Variants in CTSF observed in about 807,000 individuals in gnomAD.
The protein encoded by CTSF is cathepsin F.
CTSF carries 65 observed loss-of-function variants against 63.5 expected under a neutral mutation model. The ratio of observed to expected loss-of-function variants is 1.02; its 90% CI spans 0.84 to 1.26. CTSF has a LOEUF of 1.26. Among genes scored for constraint, CTSF ranks in the 50% most tolerant of loss-of-function variants. CTSF has a pLI of 0.00. For missense variants in CTSF, 641 were observed against 631.0 expected, an observed-to-expected ratio of 1.02 and a Z score of -0.17; for synonymous variants, 256 against 258.1, an observed-to-expected ratio of 0.99 and a Z score of 0.08.
chr11:66,564,549 G>A lies in CTSF; in HGVS notation c.1321+9C>T, dbSNP rs368422217. On this transcript the variant is annotated intron_variant, in intron 11 of 12. Transcript: ENST00000310325. Reference sequence around the variant, plus strand: ...CCTGGCTGGATGCAGGACAGGCAGCGGAACTCACGGTTGCCGTAGCCCACA... The same window carrying A: ...CCTGGCTGGATGCAGGACAGGCAGCAGAACTCACGGTTGCCGTAGCCCACA... The A allele has an allele frequency of 2.2e-5, 34 of 1,544,056 alleles. No individual in the cohort carries two copies. Among genetic ancestry groups the A allele is most frequent in the African/African-American group, 8.2e-5 (6 of 73,150 alleles).
intron 2 of CTSF, 138 bp from the exon 3 acceptor site, chr11:66,567,800 A>G: frequency 7.2e-7 from 1 of 1,385,662 alleles, no homozygotes; most frequent in Middle Eastern, 1.9e-4. Flanking sequence ...ACAGTGAGGC[A>G]CGGCCTGCAC....
intron 2 of CTSF, 110 bp downstream of exon 2, chr11:66,567,874 G>C: frequency 1.4e-6 from 2 of 1,441,034 alleles, no homozygotes; most frequent in South Asian, 1.4e-5. Context: ...AGTGGCTCAA[G>C]GTGGGGCAGC....
In CTSF at chr11:66,568,587, G is replaced by A. The variant is rs1334931173; in HGVS notation, c.-101C>T. Reference sequence around the variant, plus strand: ...GGGCCTGAGTCCTCCCTCCAGCGGGGCGACGGCACGCCGACCAATGGGCGC... The same window carrying A: ...GGGCCTGAGTCCTCCCTCCAGCGGGACGACGGCACGCCGACCAATGGGCGC... On this transcript the variant is annotated 5_prime_UTR_variant, in exon 1 of 13. Coordinates refer to ENST00000310325, the MANE Select transcript of CTSF (RefSeq NM_003793.4). 2.3e-6 allele frequency: 3 copies of A among 1,333,228 alleles called. No individual in the cohort carries two copies. Among genetic ancestry groups the A allele is most frequent in the East Asian group, 6.2e-5 (2 of 32,236 alleles). 82.6% of individuals were successfully genotyped at this position (1,333,228 alleles called of 1,614,324 possible).
At position 66,568,301 on chromosome 11, in the gene CTSF, C is replaced by T. The variant is rs1243028278; in HGVS notation, c.186G>A (p.Leu62=). 6.6e-6 allele frequency: 9 copies of T among 1,365,880 alleles called. No individual in the cohort carries two copies. The highest frequency in any genetic ancestry group is 2.7e-4 in the Middle Eastern group (1 of 3,672). 84.6% of individuals were successfully genotyped at this position (1,365,880 alleles called of 1,614,324 possible). Residue 62 remains leucine, a synonymous_variant, in exon 1 of 13, where the codon CTG becomes CTA. Coordinates refer to ENST00000310325, the MANE Select transcript of CTSF (RefSeq NM_003793.4). The stretch of plus-strand genomic sequence containing the variant: ...GGCGGACGCGGCCGCGCACAAGGCC[C>T]AGCACGGCCCGCGTCCCCGCAGCCC... ...RGRAAGTRAV[L]GLVRGRVRRA... is the part of the protein sequence containing the mutation.
intron 7 of CTSF, 35 bp downstream of exon 7, chr11:66,565,796 A>G: frequency 6.2e-7 from 1 of 1,613,936 alleles, no homozygotes; most frequent in South Asian, 1.1e-5. Context: ...CTGAGGGGCT[A>G]GGCTGGGGAC....
Position 66,568,004 on chromosome 11 carries a change from G to T in CTSF, c.292C>A (p.Pro98Thr). ...CTCACCAGGGTTTTCTTGGACACGG[G>T]GAGCCGGCACACCATGGGGTCGTTG... ...PCNDPMVCRLPVSKKTLLCSF... is the reference protein window; with the variant it reads ...PCNDPMVCRLTVSKKTLLCSF... Residue 98 changes from proline to threonine, a missense_variant, in exon 2 of 13, where the codon CCC becomes ACC. Pro to Thr is a conservative substitution (Grantham distance 38, BLOSUM62 -1). Coordinates refer to ENST00000310325, the MANE Select transcript of CTSF (RefSeq NM_003793.4). 6.3e-7 allele frequency: 1 copy of T among 1,596,118 alleles called. No individual in the cohort carries two copies. Among genetic ancestry groups the T allele is most frequent in the Non-Finnish European group, 8.5e-7 (1 of 1,172,752 alleles).
chr11:66,563,779 G>C lies in CTSF; in HGVS notation c.*154C>G. Reference sequence around the variant, plus strand: ...TGGGAATGGGGTGCAGGGAAGCAGGGGCTGTGCCCCAGCCCAGTGCCCTCT... The same window carrying C: ...TGGGAATGGGGTGCAGGGAAGCAGGCGCTGTGCCCCAGCCCAGTGCCCTCT... On this transcript the variant is annotated 3_prime_UTR_variant, in exon 13 of 13. Transcript: ENST00000310325. 3 of 863,790 alleles carry C rather than the reference G, an allele frequency of 3.5e-6. No individual in the cohort carries two copies. Among genetic ancestry groups the C allele is most frequent in the Non-Finnish European group, 5.3e-6 (3 of 564,196 alleles). 53.5% of individuals were successfully genotyped at this position (863,790 alleles called of 1,614,324 possible).
chr11:66,568,356 C>A lies in CTSF; in HGVS notation c.131G>T (p.Arg44Leu). ...GCGGTTGAACATCTCCAGCGCGAAG[C>A]GGGTGGGCGCCAGCAGCTCCGGGGA... ...PPSPELLAPT[R>L]FALEMFNRGR... is the part of the protein sequence containing the mutation. The change falls in exon 1 of 13, where the codon CGC becomes CTC. Residue 44 changes from arginine to leucine, a missense_variant. Transcript: ENST00000310325. 1 of 1,305,106 alleles carries A rather than the reference C, an allele frequency of 7.7e-7. No homozygotes were observed. The allele number at this position is 1,305,106 out of a possible 1,614,324, so 80.8% of individuals were successfully genotyped here.
Position 66,564,656 on chromosome 11 carries a change from T to C in CTSF, c.1231-8A>G. 1.2e-6 allele frequency: 2 copies of C among 1,607,232 alleles called. No individual in the cohort carries two copies. The highest frequency in any genetic ancestry group is 2.2e-5 in the East Asian group (1 of 44,752). ...GATCCCGTGGCGGTAAAACTGGAGG[T>C]GGAGAAGGAGTAGGGGATCGACTCC... On this transcript the variant is annotated splice_region_variant and splice_polypyrimidine_tract_variant and intron_variant, in intron 10 of 12. Coordinates refer to ENST00000310325, the MANE Select transcript of CTSF (RefSeq NM_003793.4).
chr11:66,565,682 A>G lies in CTSF; in HGVS notation c.1034T>C (p.Ile345Thr). 6.2e-7 allele frequency: 1 copy of G among 1,613,490 alleles called. No homozygotes were observed. Among genetic ancestry groups the G allele is most frequent in the Non-Finnish European group, 8.5e-7 (1 of 1,180,034 alleles). ...CCATTAATGCATACCCAAATTCTTT[A>G]TGGCCGAGTAGGCATTGGAGGGCAA... Reference protein sequence around the residue: ...GGLPSNAYSAIKNLGGLETED... With the variant: ...GGLPSNAYSATKNLGGLETED... Residue 345 changes from isoleucine (I) to threonine (T), a missense_variant, in exon 8 of 13, where the codon ATA (isoleucine) becomes ACA (threonine). Ile to Thr is a moderately conservative substitution (Grantham distance 89). Transcript: ENST00000310325.
chr11:66,566,249 G>A, intron 5 of CTSF, 42 bp downstream of exon 5: 2 of 1,613,896 alleles, frequency 1.2e-6, no homozygotes, highest in Non-Finnish European at 1.7e-6. Context: ...GCAAGGTCCT[G>A]TCTCTTCCTG....
rs763109360 is a variant in CTSF, at chr11:66,568,318, C to T, written c.169G>A (p.Gly57Arg). Residue 57 changes from glycine (G) to arginine (R), a missense_variant, in exon 1 of 13, where the codon GGG becomes AGG. Transcript: ENST00000310325. ...LEMFNRGRAA[G>R]TRAVLGLVRG... ...ACAAGGCCCAGCACGGCCCGCGTCC[C>T]CGCAGCCCGGCCGCGGTTGAACATC... 28 of 1,321,000 alleles carry T rather than the reference C, an allele frequency of 2.1e-5. No individual in the cohort carries two copies. In the South Asian group the frequency reaches 6.1e-4, roughly 29 times the overall value. The allele number at this position is 1,321,000 out of a possible 1,614,324, so 81.8% of individuals were successfully genotyped here. A position where few individuals can be genotyped will look rare whatever the true frequency, so the allele number is the denominator to read the frequency against.
intron 11 of CTSF, 80 bp from the exon 12 acceptor site, chr11:66,564,226 AC>A: frequency 6.7e-7 from 1 of 1,493,828 alleles, no homozygotes; most frequent in South Asian, 1.2e-5. Flanking sequence ...CCCTTCAAAT[AC>A]TTGCACTGGG....
At position 66,568,003 on chromosome 11, in the gene CTSF, G is replaced by A. The variant is rs745466714; in HGVS notation, c.293C>T (p.Pro98Leu). 20 of 1,595,268 alleles carry A rather than the reference G, an allele frequency of 1.3e-5. No homozygotes were observed. In the African/African-American group the frequency reaches 1.5e-4, roughly 12 times the overall value. ...PCNDPMVCRL[P>L]VSKKTLLCSF... ...ACTCACCAGGGTTTTCTTGGACACG[G>A]GGAGCCGGCACACCATGGGGTCGTT... is the stretch of plus-strand genomic sequence containing the variant. Residue 98 changes from proline (P) to leucine (L), a missense_variant, in exon 2 of 13, where the codon CCC (proline) becomes CTC (leucine). Pro to Leu is a moderately conservative substitution (Grantham distance 98). Coordinates refer to ENST00000310325, the MANE Select transcript of CTSF (RefSeq NM_003793.4).
rs1242118990 is a variant in CTSF at position 66,563,796 on chromosome 11, G to A, written c.*137C>T. ...GAAGCAGGGGCTGTGCCCCAGCCCA[G>A]TGCCCTCTGCTCACCCTGAGGTACC... is the stretch of plus-strand genomic sequence containing the variant. On this transcript the variant is annotated 3_prime_UTR_variant, in exon 13 of 13. Coordinates refer to ENST00000310325, the MANE Select transcript of CTSF (RefSeq NM_003793.4). The A allele has an allele frequency of 2.6e-5, 28 of 1,059,466 alleles. No homozygotes were observed. The East Asian group carries it at 5.7e-4, about 22-fold the overall frequency. The allele number at this position is 1,059,466 out of a possible 1,614,324, so 65.6% of individuals were successfully genotyped here.
rs183793658 is a variant in CTSF, at chr11:66,567,956, G to A, written c.312+28C>T. ...CTGCTGCTTTACTCGGCCTCGGGGC[G>A]GGGAACCCCAAGAGCCTCATCACTC... On this transcript the variant is annotated intron_variant, in intron 2 of 12. Transcript: ENST00000310325. 4.8e-4 allele frequency: 751 copies of A among 1,568,120 alleles called. 5 individuals carry two copies. In the African/African-American group the frequency reaches 9.4e-3, roughly 20 times the overall value.
At position 66,563,550 on chromosome 11, in the gene CTSF, A is replaced by T; in HGVS notation, c.*383T>A. 1 of 445,550 alleles carries T rather than the reference A, an allele frequency of 2.2e-6. No individual in the cohort carries two copies. The highest frequency in any genetic ancestry group is 4.0e-6 in the Non-Finnish European group (1 of 248,812). The allele number at this position is 445,550 out of a possible 1,614,324, so 27.6% of individuals were successfully genotyped here. A position where few individuals can be genotyped will look rare whatever the true frequency, so the allele number is the denominator to read the frequency against. Reference sequence around the variant, plus strand: ...GGAGAGGGACACTATCCCTAAATCCAAGGGAACCAGAAAATTTATAGTATC... The same window carrying T: ...GGAGAGGGACACTATCCCTAAATCCTAGGGAACCAGAAAATTTATAGTATC... On this transcript the variant is annotated 3_prime_UTR_variant, in exon 13 of 13. Transcript: ENST00000310325.
At chr11:66,565,594 T>TC (rs1197889265) in intron 8 of CTSF, 77 bp downstream of exon 8, 30 of 1,580,808 alleles carry the variant, frequency 1.9e-5, no homozygotes, top group Non-Finnish European at 2.4e-5. Context: ...TGCTCATGTC[T>TC]CCCCCCCATT....
rs1008110436 is a variant in CTSF at position 66,568,279 on chromosome 11, G to A, written c.208C>T (p.Arg70Cys). ...AVLGLVRGRV[R>C]RAGQGSLYSL... is the part of the protein sequence containing the mutation. ...CGCCCCCGGCGCGTCCTCACCCGGC[G>A]GACGCGGCCGCGCACAAGGCCCAGC... Residue 70 changes from arginine (R) to cysteine (C), a missense_variant, in exon 1 of 13, where the codon CGC (arginine) becomes TGC (cysteine). Transcript: ENST00000310325. 1.3e-6 allele frequency: 2 copies of A among 1,498,158 alleles called. No individual in the cohort carries two copies. Among genetic ancestry groups the A allele is most frequent in the African/African-American group, 2.9e-5 (2 of 69,464 alleles). The allele number at this position is 1,498,158 out of a possible 1,614,324, so 92.8% of individuals were successfully genotyped here. A position where few individuals can be genotyped will look rare whatever the true frequency, so the allele number is the denominator to read the frequency against.
Sources: gnomAD v4.1 joint callset for allele counts on GRCh38, gnomAD v4.1.1 for gene constraint, MANE v1.5 for transcripts, NCBI Gene and HGNC (gene_info 2026-07-23, HGNC 2026-07-21) for gene names.